TRMT11: variants seen among roughly 807,000 people sequenced by gnomAD.
TRMT11 encodes the protein tRNA (guanine(10)-N(2))-methyltransferase TRMT11.
A neutral mutation model predicts 62.8 loss-of-function variants in TRMT11; 53 were observed. The observed-to-expected ratio is 0.84, with a 90% CI of 0.68 to 1.06. The LOEUF is 1.06. Ranked by LOEUF, TRMT11 falls within the 50% of genes least tolerant of loss-of-function variation. TRMT11 has a pLI of 0.00. For missense variants in TRMT11, 556 were observed against 553.4 expected (o/e 1.00, Z -0.05); for synonymous variants, 188 against 190.3 (o/e 0.99, Z 0.10).
the TRMT11 span, among the ~76,000 whole-genome samples, chr6:126,215,108 CAT>C: frequency 1.3e-5 from 2 of 151,768 alleles, no homozygotes; most frequent in African/African-American, 4.8e-5. Context: ...TTGCTCCACA[CAT>C]AGTCTATTCT....
intron 17 of TRMT11, among the ~76,000 whole-genome samples, chr6:126,077,760 C>A (rs1777062530): frequency 6.6e-6 from 1 of 152,092 alleles, no homozygotes; most frequent in South Asian, 2.1e-4. Flanking sequence ...TTTTCACAAC[C>A]TAGTTTGGTG....
intron 17 of TRMT11, among the ~76,000 whole-genome samples, chr6:126,063,006 T>C (rs1776581943): frequency 6.6e-6 from 1 of 152,188 alleles, no homozygotes; most frequent in African/African-American, 2.4e-5. Context: ...TATCATAAAT[T>C]AATATTTATT....
At chr6:126,103,175 T>A (rs959099151) in intron 17 of TRMT11, among the ~76,000 whole-genome samples, 1 of 152,224 alleles carries the variant, frequency 6.6e-6, no homozygotes, top group Non-Finnish European at 1.5e-5. Flanking sequence ...TATGCCTGCC[T>A]CATGTATTTG....
chr6:126,151,797 C>G (rs1562334645), intron 21 of TRMT11, among the ~76,000 whole-genome samples: 1 of 90,742 alleles, frequency 1.1e-5, no homozygotes, highest in Non-Finnish European at 2.2e-5. Context: ...TCCTTCCTTC[C>G]TCTCTGTCTT....
chr6:126,093,186 G>C (rs1043655591), intron 17 of TRMT11, among the ~76,000 whole-genome samples: 1 of 151,872 alleles, frequency 6.6e-6, no homozygotes, highest in African/African-American at 2.4e-5. Context: ...CCTCACATTT[G>C]GTTAGACATA....
intron 21 of TRMT11, among the ~76,000 whole-genome samples, chr6:126,119,121 C>T (rs1583880396): frequency 6.6e-6 from 1 of 152,174 alleles, no homozygotes; most frequent in East Asian, 1.9e-4. Flanking sequence ...TGAAGACTGG[C>T]CCAAGAGAGG....
intron 17 of TRMT11, among the ~76,000 whole-genome samples, chr6:126,093,587 A>G (rs1305315088): frequency 0.042 from 643 of 15,226 alleles, 27 homozygotes; most frequent in African/African-American, 0.16. Flanking sequence ...ATATGTATGT[A>G]TATATATATA....
chr6:126,101,818 C>T (rs1777405308), intron 17 of TRMT11, among the ~76,000 whole-genome samples: 1 of 152,214 alleles, frequency 6.6e-6, no homozygotes, highest in South Asian at 2.1e-4. Flanking sequence ...TCCCTCCATA[C>T]CTTTCAACAT....
At chr6:126,134,895 A>G (rs1249827532) in intron 21 of TRMT11, among the ~76,000 whole-genome samples, 1 of 151,920 alleles carries the variant, frequency 6.6e-6, no homozygotes, top group African/African-American at 2.4e-5. Flanking sequence ...TTGAACAACC[A>G]GTGGATCAAT....
At chr6:126,065,718 C>A (rs1238482737) in intron 17 of TRMT11, among the ~76,000 whole-genome samples, 1 of 152,168 alleles carries the variant, frequency 6.6e-6, no homozygotes, top group Non-Finnish European at 1.5e-5. Flanking sequence ...ATAGCAAGTA[C>A]TCAATAGATA....
chr6:126,068,489 A>G (rs1235652475), intron 17 of TRMT11, among the ~76,000 whole-genome samples: 2 of 152,218 alleles, frequency 1.3e-5, no homozygotes, highest in African/African-American at 2.4e-5. Context: ...AGGGATGTCA[A>G]CATCATCTAT....
chr6:126,142,237 A>T (rs1193041900), intron 21 of TRMT11, among the ~76,000 whole-genome samples: 1 of 152,046 alleles, frequency 6.6e-6, no homozygotes, highest in Non-Finnish European at 1.5e-5. Context: ...GGGAGGAGTG[A>T]TTAAGAAAGT....
the TRMT11 span, among the ~76,000 whole-genome samples, chr6:126,222,388 T>C: frequency 6.6e-6 from 1 of 152,226 alleles, no homozygotes; most frequent in African/African-American, 2.4e-5. Context: ...GCATTGAATC[T>C]GTAGATTGCT....
At chr6:126,093,609 A>ATTTTTTTTTTT (rs1562321359) in intron 17 of TRMT11, among the ~76,000 whole-genome samples, 1 of 91,040 alleles carries the variant, frequency 1.1e-5, no homozygotes, top group African/African-American at 7.1e-5. Flanking sequence ...ATATATATAT[A>ATTTTTTTTTTT]TATATATATA....
chr6:126,102,244 G>A (rs936008693), intron 17 of TRMT11, among the ~76,000 whole-genome samples: 2 of 152,156 alleles, frequency 1.3e-5, no homozygotes, highest in African/African-American at 4.8e-5. Flanking sequence ...GTCCATGGTA[G>A]CCAACCCTAT....
intron 1 of TRMT11, among the ~76,000 whole-genome samples, chr6:126,189,948 TA>T (rs1484532066): frequency 6.6e-6 from 1 of 150,540 alleles, no homozygotes; most frequent in Non-Finnish European, 1.5e-5. Context: ...TTACATATAA[TA>T]TTTTCATACA....
intron 17 of TRMT11, among the ~76,000 whole-genome samples, chr6:126,095,951 G>C (rs1403580236): frequency 6.6e-6 from 1 of 152,142 alleles, no homozygotes; most frequent in African/African-American, 2.4e-5. Context: ...GGATTCTGGG[G>C]GCCTAGGAGC....
intron 7 of TRMT11, 23 bp downstream of exon 7, chr6:125,999,636 CT>C: frequency 6.3e-7 from 1 of 1,591,190 alleles, no homozygotes; most frequent in South Asian, 1.1e-5. Flanking sequence ...AACTTTTAAG[CT>C]AGTGTAGAGA....
intron 7 of TRMT11, among the ~76,000 whole-genome samples, chr6:126,001,372 T>C (rs1792451650): frequency 6.6e-6 from 1 of 152,058 alleles, no homozygotes; most frequent in Non-Finnish European, 1.5e-5. Flanking sequence ...CTTCCCTTTA[T>C]TTTTTATCTA....
Sources: allele counts gnomAD v4.1 joint callset (sites outside exome capture counted in the v4.1 genomes callset), GRCh38; gene constraint gnomAD v4.1.1; transcripts MANE v1.5; gene names NCBI Gene and HGNC (gene_info 2026-07-23, HGNC 2026-07-21).